The following CADM2 variants were observed in gnomAD, a reference collection of about 807,000 sequenced individuals.
CADM2 encodes the protein cell adhesion molecule 2.
A neutral mutation model predicts 49.8 loss-of-function variants in CADM2; 12 were observed. That is an observed-to-expected ratio of 0.24 (90% CI 0.15 to 0.39). CADM2 has a LOEUF of 0.39. Ranked by LOEUF, CADM2 falls within the 10% of genes least tolerant of loss-of-function variation. CADM2 has a pLI of 1.00. For missense variants in CADM2, 378 were observed against 492.3 expected (o/e 0.77, Z 2.20); for synonymous variants, 214 against 175.4 (o/e 1.22, Z -1.74).
intron 1 of CADM2, among the ~76,000 whole-genome samples, chr3:85,273,077 G>A (rs2043279277): frequency 6.6e-6 from 1 of 150,898 alleles, no homozygotes. Context: ...GTAAAGGAGT[G>A]AATAACATGA....
chr3:85,287,193 G>T (rs1348992591), intron 1 of CADM2, among the ~76,000 whole-genome samples: 1 of 151,822 alleles, frequency 6.6e-6, no homozygotes, highest in Non-Finnish European at 1.5e-5. Context: ...TAAATCTGCT[G>T]TTGATGTTAT....
At chr3:85,889,377 G>GA (rs1714111126) in intron 5 of CADM2, among the ~76,000 whole-genome samples, 1 of 152,152 alleles carries the variant, frequency 6.6e-6, no homozygotes. Context: ...AGGGCTTGCT[G>GA]AATCTCAGAT....
chr3:85,890,252 G>A (rs1388768080), intron 5 of CADM2, among the ~76,000 whole-genome samples: 1 of 152,056 alleles, frequency 6.6e-6, no homozygotes. Context: ...ATTCTTGTGA[G>A]AGTTTGATTA....
At chr3:85,926,695 A>G (rs1719921695) in intron 6 of CADM2, among the ~76,000 whole-genome samples, 1 of 152,122 alleles carries the variant, frequency 6.6e-6, no homozygotes, top group African/African-American at 2.4e-5. Context: ...GAGTTTGTGA[A>G]TAAGAAGAAC....
At chr3:85,448,817 G>A (rs2037599666) in intron 1 of CADM2, among the ~76,000 whole-genome samples, 2 of 151,840 alleles carry the variant, frequency 1.3e-5, no homozygotes, top group African/African-American at 4.8e-5. Context: ...TTGGGAGGTC[G>A]AGGCTTGTGG....
At chr3:85,155,981 GA>G in intron 1 of CADM2, among the ~76,000 whole-genome samples, 1 of 152,154 alleles carries the variant, frequency 6.6e-6, no homozygotes, top group Non-Finnish European at 1.5e-5. Flanking sequence ...GCCCACAAGA[GA>G]AAGCAGGAAA....
intron 1 of CADM2, among the ~76,000 whole-genome samples, chr3:85,377,093 G>A (rs1191691254): frequency 6.6e-6 from 1 of 152,010 alleles, no homozygotes; most frequent in African/African-American, 2.4e-5. Context: ...TGTAATAAGA[G>A]CTTATACTAA....
intron 1 of CADM2, among the ~76,000 whole-genome samples, chr3:85,244,641 G>C (rs1479755943): frequency 3.9e-5 from 6 of 152,096 alleles, no homozygotes; most frequent in African/African-American, 9.7e-5. Context: ...TAAATCTTCA[G>C]ATACAATTCA....
At chr3:85,701,641 G>A (rs146239414) in intron 1 of CADM2, among the ~76,000 whole-genome samples, 101 of 152,110 alleles carry the variant, frequency 6.6e-4, no homozygotes, top group African/African-American at 2.3e-3. Flanking sequence ...ATTCCCTTTT[G>A]TGCCATCATT....
At chr3:85,289,030 A>G (rs933058671) in intron 1 of CADM2, among the ~76,000 whole-genome samples, 18 of 152,270 alleles carry the variant, frequency 1.2e-4, no homozygotes, top group Middle Eastern at 3.4e-3. Flanking sequence ...GCATTTTGCT[A>G]AGCACCAAGA....
chr3:85,905,913 G>A (rs1716739649), intron 5 of CADM2, among the ~76,000 whole-genome samples: 1 of 152,094 alleles, frequency 6.6e-6, no homozygotes, highest in Non-Finnish European at 1.5e-5. Context: ...TGATGCAAGT[G>A]ATTCATTTAT....
chr3:85,228,177 C>G (rs1285071705), intron 1 of CADM2, among the ~76,000 whole-genome samples: 2 of 152,022 alleles, frequency 1.3e-5, no homozygotes, highest in East Asian at 3.9e-4. Flanking sequence ...GCCTGCCTTG[C>G]TAGGTTGGGT....
chr3:85,038,234 T>C (rs1042982820), intron 1 of CADM2, among the ~76,000 whole-genome samples: 3 of 152,196 alleles, frequency 2.0e-5, no homozygotes, highest in Non-Finnish European at 4.4e-5. Flanking sequence ...TTGTGAGACC[T>C]GAGGCAAATT....
In CADM2 at chr3:85,010,346, C is replaced by A. The variant is rs554768895; in HGVS notation, c.61+50678C>A. ...CTGAAACCTAAAAGGATATTTGATACCGTAATTAGAATGTATAAATAGTCC... is the reference window on the plus strand; with the variant it reads ...CTGAAACCTAAAAGGATATTTGATAACGTAATTAGAATGTATAAATAGTCC... On this transcript the variant is annotated intron_variant, in intron 1 of 9. Coordinates refer to ENST00000383699, the MANE Select transcript of CADM2 (RefSeq NM_001167675.2). Among the ~76,000 whole-genome samples, 9 of 152,270 alleles carry A rather than the reference C, an allele frequency of 5.9e-5. No individual in the cohort carries two copies. The South Asian group carries it at 1.9e-3, about 32-fold the overall frequency.
chr3:85,623,708 T>A (rs2064041566), intron 1 of CADM2, among the ~76,000 whole-genome samples: 1 of 152,216 alleles, frequency 6.6e-6, no homozygotes, highest in Admixed American at 6.6e-5. Flanking sequence ...TAAACCCAAA[T>A]GTTAATTCAA....
intron 1 of CADM2, among the ~76,000 whole-genome samples, chr3:85,597,074 T>C (rs1252758318): frequency 6.6e-6 from 1 of 152,104 alleles, no homozygotes; most frequent in Non-Finnish European, 1.5e-5. Context: ...AAGTTTTCTT[T>C]GTAGATTAAC....
At chr3:85,562,446 C>T (rs938803855) in intron 1 of CADM2, among the ~76,000 whole-genome samples, 8 of 132,624 alleles carry the variant, frequency 6.0e-5, no homozygotes, top group African/African-American at 2.3e-4. Context: ...CCATTGCACT[C>T]CAGCCTGGGC....
intron 1 of CADM2, among the ~76,000 whole-genome samples, chr3:85,514,007 A>T (rs919156847): frequency 3.9e-5 from 6 of 152,114 alleles, no homozygotes; most frequent in Non-Finnish European, 7.4e-5. Flanking sequence ...GACTGGGTCA[A>T]GCATCGTTAA....
intron 1 of CADM2, among the ~76,000 whole-genome samples, chr3:85,460,653 A>G (rs1378827338): frequency 6.6e-6 from 1 of 152,096 alleles, no homozygotes; most frequent in African/African-American, 2.4e-5. Flanking sequence ...TTAATAGTAC[A>G]TAGGAAATTG....
Sources: allele counts gnomAD v4.1 joint callset (sites outside exome capture counted in the v4.1 genomes callset), GRCh38; gene constraint gnomAD v4.1.1; transcripts MANE v1.5; gene names NCBI Gene and HGNC (gene_info 2026-07-23, HGNC 2026-07-21).